The following MICAL2 variants were observed in gnomAD, a reference collection of about 807,000 sequenced individuals.
MICAL2 encodes [F-actin]-monooxygenase MICAL2.
MICAL2 carries 77 observed loss-of-function variants against 127.3 expected under a neutral mutation model. That is an observed-to-expected ratio of 0.60 (90% CI 0.50 to 0.73). The LOEUF (loss-of-function observed/expected upper bound fraction) is 0.73, where lower values mean the gene tolerates loss of function less well. Among genes scored for constraint, MICAL2 ranks in the 30% least tolerant of loss-of-function variants. MICAL2 has a pLI of 0.00. For synonymous variants in MICAL2, 570 were observed against 551.1 expected (o/e 1.03, Z -0.48); for missense variants, 1,351 against 1,434.4 (o/e 0.94, Z 0.94).
chr11:12,333,149 G>A (rs1187802818), intron 32 of MICAL2, among the ~76,000 whole-genome samples: 2 of 152,046 alleles, frequency 1.3e-5, no homozygotes, highest in Non-Finnish European at 2.9e-5. Flanking sequence ...GAAATGGAAA[G>A]GGCAGATGCA....
chr11:12,210,716 G>A (rs1164046230), intron 6 of MICAL2, among the ~76,000 whole-genome samples: 1 of 152,164 alleles, frequency 6.6e-6, no homozygotes, highest in East Asian at 1.9e-4. Context: ...GTATAGTTGG[G>A]CATTTCTTGA....
exon 3 of MICAL2, chr11:12,287,299 TA>T: frequency 7.6e-6 from 3 of 394,518 alleles, no homozygotes; most frequent in Non-Finnish European, 1.3e-5. Context: ...AGGCAAGAAA[TA>T]AAATATAAGC....
intron 3 of MICAL2, among the ~76,000 whole-genome samples, chr11:12,189,802 C>A (rs1241310296): frequency 6.6e-6 from 1 of 152,242 alleles, no homozygotes; most frequent in African/African-American, 2.4e-5. Flanking sequence ...GATGCCCAGG[C>A]ATGCCTTCCT....
At chr11:12,149,390 C>A (rs1209083945) in intron 2 of MICAL2, among the ~76,000 whole-genome samples, 1 of 152,144 alleles carries the variant, frequency 6.6e-6, no homozygotes, top group East Asian at 1.9e-4. Flanking sequence ...GCAATGGAAC[C>A]TGACTAAGTG....
At chr11:12,334,777 A>T (rs1390987222) in intron 32 of MICAL2, among the ~76,000 whole-genome samples, 2 of 151,858 alleles carry the variant, frequency 1.3e-5, no homozygotes, top group Non-Finnish European at 2.9e-5. Context: ...CCTACAAAGG[A>T]CATGAACTCA....
intron 22 of MICAL2, 58 bp from the exon 23 acceptor site, chr11:12,255,585 T>A (rs1437352553): frequency 6.7e-7 from 1 of 1,490,336 alleles, no homozygotes; most frequent in Non-Finnish European, 9.3e-7. Flanking sequence ...GTTTTCCTCC[T>A]GGGTGCTAAC....
At chr11:12,267,293 T>C (rs75830398), downstream of MICAL2, among the ~76,000 whole-genome samples, 651 of 152,302 alleles carry the variant, frequency 4.3e-3, 5 homozygotes, top group African/African-American at 0.015. Context: ...CCAGCCCAAA[T>C]GTCCACTCCA....
Position 12,276,394 on chromosome 11 carries a change from TGTAA to T in MICAL2, c.87+231_87+234del, listed in dbSNP as rs1863722546. 8.0e-6 allele frequency: 3 copies of T among 375,656 alleles called. No homozygotes were observed. In the South Asian group the frequency reaches 4.4e-4, roughly 55 times the overall value. The allele number at this position is 375,656 out of a possible 1,614,324, so 23.3% of individuals were successfully genotyped here. On this transcript the variant is annotated intron_variant, in intron 1 of 2. Transcript: ENST00000529028. ...AACAGTGCCCACACGTCATAAGCAC[TGTAA>T]GTGTTAGCAATTGTTATTTTCTTGG...
At chr11:12,204,106 A>G (rs1040891746) in intron 3 of MICAL2, 144 bp from the exon 4 acceptor site, 1 of 721,502 alleles carries the variant, frequency 1.4e-6, no homozygotes, top group Admixed American at 2.4e-5. Flanking sequence ...TGGATGAATG[A>G]CAGGCCCTAA....
chr11:12,294,895 G>A (rs1385934838), downstream of MICAL2: 5 of 1,425,486 alleles, frequency 3.5e-6, no homozygotes, highest in South Asian at 7.8e-5. Flanking sequence ...TGCCCTTCAT[G>A]CTGGGCAGTT....
At chr11:12,293,675 C>G, downstream of MICAL2, 6 of 1,614,136 alleles carry the variant, frequency 3.7e-6, no homozygotes, top group Non-Finnish European at 5.1e-6. Flanking sequence ...TCCCCTGTAT[C>G]TGCCTCATCA....
intron 3 of MICAL2, among the ~76,000 whole-genome samples, chr11:12,202,683 C>T (rs1854165796): frequency 6.6e-6 from 1 of 152,148 alleles, no homozygotes; most frequent in African/African-American, 2.4e-5. Flanking sequence ...TATTTTACCC[C>T]TAGCCTGAGA....
exon 34 of MICAL2, chr11:12,354,787 C>A: frequency 6.2e-7 from 1 of 1,613,826 alleles, no homozygotes; most frequent in Non-Finnish European, 8.5e-7. Flanking sequence ...CACCCAGGGC[C>A]CAGGAACTGG....
At position 12,262,412 on chromosome 11, in the gene MICAL2, T is replaced by A. The variant is rs1863254480; in HGVS notation, c.3335-68T>A. The stretch of plus-strand genomic sequence containing the variant: ...CTTCTCGTGATGTTAATCATTTCCT[T>A]TTTTCCCCACACTAAGCTCTCTTTT... On this transcript the variant is annotated intron_variant, in intron 26 of 27. Coordinates refer to ENST00000683283, the MANE Select transcript of MICAL2 (RefSeq NM_001282663.2). The A allele has an allele frequency of 8.1e-6, 13 of 1,606,468 alleles. No homozygotes were observed. The Admixed American group carries it at 1.0e-4, about 12-fold the overall frequency.
chr11:12,244,754 A>G (rs1357613893), intron 21 of MICAL2, among the ~76,000 whole-genome samples: 1 of 152,204 alleles, frequency 6.6e-6, no homozygotes, highest in Non-Finnish European at 1.5e-5. Context: ...GCAGGCAGGC[A>G]GGGCTTACGT....
chr11:12,288,667 A>G (rs1002257214), downstream of MICAL2, among the ~76,000 whole-genome samples: 3 of 152,312 alleles, frequency 2.0e-5, no homozygotes, highest in African/African-American at 7.2e-5. Flanking sequence ...GGAGGAACCC[A>G]ATCCTTGTTT....
chr11:12,216,987 G>A (rs1454552565), intron 8 of MICAL2, among the ~76,000 whole-genome samples: 1 of 152,172 alleles, frequency 6.6e-6, no homozygotes, highest in African/African-American at 2.4e-5. Context: ...TTGCACACTG[G>A]CTTTTTTGTC....
intron 1 of MICAL2, chr11:12,276,792 G>T (rs1590718082): frequency 6.6e-6 from 1 of 152,182 alleles, no homozygotes; most frequent in East Asian, 1.9e-4. Flanking sequence ...ACAAGACAAG[G>T]TCCTTGCTTT....
intron 2 of MICAL2, among the ~76,000 whole-genome samples, chr11:12,154,444 T>G (rs1853943828): frequency 6.6e-6 from 1 of 152,144 alleles, no homozygotes; most frequent in East Asian, 1.9e-4. Flanking sequence ...AGAGGGGTTG[T>G]AAAAGTCATG....
Sources: allele counts gnomAD v4.1 joint callset (sites outside exome capture counted in the v4.1 genomes callset), GRCh38; gene constraint gnomAD v4.1.1; transcripts MANE v1.5; gene names NCBI Gene and HGNC (gene_info 2026-07-23, HGNC 2026-07-21).